Variants in SVEP1 observed in about 807,000 individuals in gnomAD.
SVEP1 encodes the protein sushi, von Willebrand factor type A, EGF and pentraxin domain containing 1, also known as sushi, von Willebrand factor type A, EGF and pentraxin domain-containing protein 1.
Under a neutral mutation model 367.3 loss-of-function variants are expected in SVEP1, and 164 were observed. The ratio of observed to expected loss-of-function variants is 0.45; its 90% CI spans 0.39 to 0.51. The LOEUF is 0.51. Ranked by LOEUF, SVEP1 falls within the 20% of genes least tolerant of loss-of-function variation. The pLI, the probability that SVEP1 is intolerant of heterozygous loss-of-function variation, is 0.00. For synonymous variants in SVEP1, 1,666 were observed against 1,611.6 expected (o/e 1.03, Z -0.81); for missense variants, 4,117 against 4,425.3 (o/e 0.93, Z 1.98).
intron 14 of SVEP1, among the ~76,000 whole-genome samples, chr9:110,475,417 C>T (rs534874983): frequency 8.5e-5 from 13 of 152,212 alleles, no homozygotes; most frequent in Non-Finnish European, 1.9e-4. Context: ...GTGTTGATAG[C>T]TTGCTCAAGA....
At chr9:110,435,214 G>T (rs1828415022) in intron 29 of SVEP1, 27 bp downstream of exon 29, 4 of 1,609,586 alleles carry the variant, frequency 2.5e-6, no homozygotes, top group Non-Finnish European at 3.4e-6. Context: ...AGAGATAGTG[G>T]AGTCTATGAA....
chr9:110,392,133 T>TTATATA (rs35109985), intron 40 of SVEP1, among the ~76,000 whole-genome samples: 2,112 of 99,518 alleles, frequency 0.021, 55 homozygotes, highest in South Asian at 0.041. Flanking sequence ...CAATTCCTCA[T>TTATATA]TATATATATA....
chr9:110,556,119 T>C (rs930897420), intron 1 of SVEP1, among the ~76,000 whole-genome samples: 3 of 152,184 alleles, frequency 2.0e-5, no homozygotes, highest in Non-Finnish European at 4.4e-5. Flanking sequence ...CTGTATTGTA[T>C]CAAGCCTCCG....
chr9:110,509,225 T>A (rs968964089), intron 5 of SVEP1, among the ~76,000 whole-genome samples: 6 of 152,216 alleles, frequency 3.9e-5, no homozygotes, highest in African/African-American at 1.4e-4. Context: ...TTTAGAGATG[T>A]TAAAATGTTT....
intron 13 of SVEP1, among the ~76,000 whole-genome samples, chr9:110,477,478 C>T (rs1410205466): frequency 2.0e-5 from 3 of 152,194 alleles, no homozygotes; most frequent in African/African-American, 7.2e-5. Context: ...AATCTTACTA[C>T]ATTTCTTTAG....
chr9:110,381,128 ATT>A (rs1293462727), intron 43 of SVEP1, among the ~76,000 whole-genome samples: 1 of 151,580 alleles, frequency 6.6e-6, no homozygotes, highest in Non-Finnish European at 1.5e-5. Context: ...CTAGTGGTCT[ATT>A]TTATTACTTT....
chr9:110,389,278 CTGTTTGCCAT>C (rs1372962436), intron 41 of SVEP1, among the ~76,000 whole-genome samples: 1 of 152,124 alleles, frequency 6.6e-6, no homozygotes, highest in Non-Finnish European at 1.5e-5. Context: ...TTTAAACAAA[CTGTTTGCCAT>C]TCCAGAGTCA....
At chr9:110,376,687 G>C (rs1490281775) in intron 45 of SVEP1, 2 of 152,114 alleles carry the variant, frequency 1.3e-5, no homozygotes, top group African/African-American at 4.8e-5. Flanking sequence ...TTAAGATATT[G>C]AAATAAAGTG....
At chr9:110,505,695 C>A (rs150561940) in intron 5 of SVEP1, among the ~76,000 whole-genome samples, 1 of 152,020 alleles carries the variant, frequency 6.6e-6, no homozygotes, top group African/African-American at 2.4e-5. Flanking sequence ...TCTCCTTTCT[C>A]TTTTTTCTCT....
Position 110,499,237 on chromosome 9 carries a change from C to T in SVEP1, c.1485G>A (p.Glu495=). Residue 495 remains glutamate, a splice_region_variant and synonymous_variant, in exon 7 of 48, where the codon GAG becomes GAA. Coordinates refer to ENST00000374469, the MANE Select transcript of SVEP1 (RefSeq NM_153366.4). The stretch of plus-strand genomic sequence containing the variant: ...GCATCTGAAAGGTGGAACAGTGGCG[C>T]TCTACGGTAGGGAAACAGAGAGAAT... ...QWDGPEPRCV[E]RHCSTFQMPK... is the part of the protein sequence containing the mutation. 1.2e-6 allele frequency: 2 copies of T among 1,610,324 alleles called. No homozygotes were observed. Among genetic ancestry groups the T allele is most frequent in the Non-Finnish European group, 8.5e-7 (1 of 1,177,626 alleles).
At chr9:110,471,162 G>T (rs1829010821) in intron 16 of SVEP1, among the ~76,000 whole-genome samples, 1 of 152,144 alleles carries the variant, frequency 6.6e-6, no homozygotes. Context: ...AATCAGATTT[G>T]AGTCCCTCCC....
chr9:110,406,578 A>G lies in SVEP1; in HGVS notation c.9022T>C (p.Ser3008Pro), dbSNP rs1470473451. The stretch of plus-strand genomic sequence containing the variant: ...GTTCCATATTCAATTACTGGTGTGG[A>G]ACATCTGCAAGGCAGGCAGGAAGGT... ...SSPSCLPCRC[S>P]TPVIEYGTVN... Residue 3008 changes from serine (S) to proline (P), a missense_variant, in exon 38 of 48, where the codon TCC (serine) becomes CCC (proline). Around this residue, in one of 4 missense-constraint regions of SVEP1, gnomAD observed 1,765 missense variants for 1,781.1 expected, o/e 0.99. Coordinates refer to ENST00000374469, the MANE Select transcript of SVEP1 (RefSeq NM_153366.4). 6.2e-7 allele frequency: 1 copy of G among 1,613,830 alleles called. No individual in the cohort carries two copies. Among genetic ancestry groups the G allele is most frequent in the Non-Finnish European group, 8.5e-7 (1 of 1,179,836 alleles).
At chr9:110,393,522 G>A (rs1008319359) in intron 40 of SVEP1, among the ~76,000 whole-genome samples, 10 of 152,172 alleles carry the variant, frequency 6.6e-5, no homozygotes, top group African/African-American at 1.7e-4. Flanking sequence ...CAGACAGTGG[G>A]TGCAGTGCAC....
Position 110,423,293 on chromosome 9 carries a change from ACT to A in SVEP1, c.5975+4296_5975+4297del, listed in dbSNP as rs367818728. Among the ~76,000 whole-genome samples the A allele has an allele frequency of 1.4e-3, 208 of 152,102 alleles. 3 individuals are homozygous for A. In the South Asian group the frequency reaches 0.035, roughly 26 times the overall value. On this transcript the variant is annotated intron_variant, in intron 36 of 47. Transcript: ENST00000374469. ...TCTGACCAAGACTGTGTAATTCATG[ACT>A]CTTGCTGGAAAAGATGCAAAGAACA...
chr9:110,446,231 T>G (rs1828595865), intron 25 of SVEP1, among the ~76,000 whole-genome samples, 193 bp from the exon 26 acceptor site: 1 of 152,108 alleles, frequency 6.6e-6, no homozygotes, highest in Non-Finnish European at 1.5e-5. Flanking sequence ...AGTGAGTATA[T>G]AAGATAGGAA....
intron 40 of SVEP1, among the ~76,000 whole-genome samples, chr9:110,390,587 T>C (rs57473392): frequency 0.049 from 7,369 of 151,538 alleles, 581 homozygotes; most frequent in African/African-American, 0.17. Context: ...GGTCTAGCAA[T>C]ATATACTCTT....
In SVEP1 at chr9:110,374,917, G is replaced by A. The variant is rs540141129; in HGVS notation, c.10600+451C>T. The stretch of plus-strand genomic sequence containing the variant: ...GCACTATGCACAATAGCAAAGACAC[G>A]GAATCAACCTAAATGCTCATCAATG... On this transcript the variant is annotated intron_variant, in intron 46 of 47. Transcript: ENST00000374469. Among the ~76,000 whole-genome samples the A allele has an allele frequency of 1.3e-4, 19 of 151,580 alleles. No homozygotes were observed. The South Asian group carries it at 3.1e-3, about 25-fold the overall frequency.
intron 37 of SVEP1, among the ~76,000 whole-genome samples, chr9:110,410,370 G>A (rs941149360): frequency 4.6e-5 from 7 of 152,150 alleles, no homozygotes; most frequent in African/African-American, 1.4e-4. Context: ...GTCCATCACA[G>A]TGAAATTACC....
At chr9:110,565,088 G>C (rs1459835434) in intron 1 of SVEP1, among the ~76,000 whole-genome samples, 1 of 152,064 alleles carries the variant, frequency 6.6e-6, no homozygotes, top group African/African-American at 2.4e-5. Context: ...TTGGGGTTTT[G>C]TTTTGTTTTG....
Sources: allele counts gnomAD v4.1 joint callset (sites outside exome capture counted in the v4.1 genomes callset), GRCh38; gene constraint gnomAD v4.1.1; regional missense constraint gnomAD v4.1.1; transcripts MANE v1.5; gene names NCBI Gene and HGNC (gene_info 2026-07-23, HGNC 2026-07-21).